Variants in CEP192 observed in about 807,000 individuals in gnomAD.
CEP192 encodes centrosomal protein of 192 kDa.
Under a neutral mutation model 271.8 loss-of-function variants are expected in CEP192, and 151 were observed. The ratio of observed to expected loss-of-function variants is 0.56; its 90% CI spans 0.49 to 0.64. The LOEUF is 0.64. CEP192 is among the 30% of genes least tolerant of loss of function. CEP192 has a pLI of 0.00. For missense variants in CEP192, 2,910 were observed against 3,020.5 expected (o/e 0.96, Z 0.86); for synonymous variants, 995 against 1,076.5 (o/e 0.92, Z 1.48).
At chr18:13,045,303 G>T (rs958368965) in intron 15 of CEP192, among the ~76,000 whole-genome samples, 1 of 152,014 alleles carries the variant, frequency 6.6e-6, no homozygotes, top group African/African-American at 2.4e-5. Context: ...GATGCTTAGT[G>T]TGCTTATTTT....
chr18:13,022,055 G>A (rs998624704), intron 9 of CEP192, among the ~76,000 whole-genome samples: 2 of 151,914 alleles, frequency 1.3e-5, no homozygotes, highest in African/African-American at 4.8e-5. Flanking sequence ...TGTGAAAGGT[G>A]TAATGTCTTT....
chr18:13,091,972 A>C (rs2039167541), intron 33 of CEP192, among the ~76,000 whole-genome samples: 1 of 152,206 alleles, frequency 6.6e-6, no homozygotes, highest in Non-Finnish European at 1.5e-5. Context: ...ATTAATATAT[A>C]TAAAGGGATT....
chr18:13,082,838 G>A (rs1416224716), intron 30 of CEP192, among the ~76,000 whole-genome samples: 17 of 152,094 alleles, frequency 1.1e-4, no homozygotes, highest in Admixed American at 3.9e-4. Flanking sequence ...ATCTCTCAGC[G>A]TTTGCTTGTC....
chr18:13,066,826 A>G (rs1193172969), intron 21 of CEP192, among the ~76,000 whole-genome samples: 6 of 152,258 alleles, frequency 3.9e-5, no homozygotes, highest in Middle Eastern at 3.4e-3. Flanking sequence ...GAACATATTA[A>G]AGCTCTACCA....
In CEP192 at chr18:13,029,770, G is replaced by T. The variant is rs2035511202; in HGVS notation, c.1158G>T (p.Leu386=). ...DANANRGGFD[L]TDPVKQGAEC... ...ATGCCAATAGAGGTGGTTTTGATCT[G>T]ACTGACCCTGTAAAACAGGGGGCAG... Residue 386 remains leucine (L), a synonymous_variant, in exon 10 of 45, where the codon CTG becomes CTT. Transcript: ENST00000506447. The T allele has an allele frequency of 1.3e-6, 2 of 1,551,484 alleles. No homozygotes were observed. The highest frequency in any genetic ancestry group is 2.7e-5 in the African/African-American group (2 of 73,038).
At chr18:13,118,156 G>A (rs79696774) in intron 44 of CEP192, among the ~76,000 whole-genome samples, 2,819 of 152,162 alleles carry the variant, frequency 0.019, 80 homozygotes, top group African/African-American at 0.063. Flanking sequence ...TTTTCTATAT[G>A]ATGCACATTT....
At chr18:13,022,889 A>G (rs1300046762) in intron 9 of CEP192, among the ~76,000 whole-genome samples, 2 of 152,214 alleles carry the variant, frequency 1.3e-5, no homozygotes, top group Non-Finnish European at 2.9e-5. Flanking sequence ...TCTAGCACAT[A>G]GATGTTATAT....
intron 1 of CEP192, among the ~76,000 whole-genome samples, chr18:12,997,394 A>C (rs2033322541): frequency 6.6e-6 from 1 of 152,214 alleles, no homozygotes; most frequent in Non-Finnish European, 1.5e-5. Context: ...AGGAGGAAGC[A>C]TATTACAGAA....
chr18:13,022,190 G>A (rs558796308), intron 9 of CEP192, among the ~76,000 whole-genome samples: 12 of 151,608 alleles, frequency 7.9e-5, no homozygotes, highest in African/African-American at 2.7e-4. Context: ...ATATTTATGT[G>A]GGTCAGTTTT....
intron 3 of CEP192, among the ~76,000 whole-genome samples, chr18:13,004,400 T>C (rs2033852032): frequency 6.6e-6 from 1 of 151,842 alleles, no homozygotes; most frequent in African/African-American, 2.4e-5. Flanking sequence ...GGGAAGAGAA[T>C]TGCTGCAGCA....
intron 13 of CEP192, among the ~76,000 whole-genome samples, chr18:13,040,440 G>A (rs1201256721): frequency 6.6e-6 from 1 of 152,132 alleles, no homozygotes; most frequent in Non-Finnish European, 1.5e-5. Context: ...TGGTAGGAGC[G>A]TCCCTAATCT....
At chr18:13,122,195 G>A (rs995871755) in intron 44 of CEP192, among the ~76,000 whole-genome samples, 14 of 152,168 alleles carry the variant, frequency 9.2e-5, no homozygotes, top group African/African-American at 3.4e-4. Context: ...AGGCGGAGGC[G>A]GGTGAATCAC....
At chr18:13,064,270 A>C (rs1389052913) in intron 21 of CEP192, among the ~76,000 whole-genome samples, 1 of 151,994 alleles carries the variant, frequency 6.6e-6, no homozygotes, top group Non-Finnish European at 1.5e-5. Flanking sequence ...CATTTATTCA[A>C]GGGACAGTCT....
At chr18:13,081,223 T>C (rs919740572) in intron 30 of CEP192, among the ~76,000 whole-genome samples, 2 of 152,238 alleles carry the variant, frequency 1.3e-5, no homozygotes, top group African/African-American at 4.8e-5. Context: ...TGGTACCAGC[T>C]CCTCTTTGTA....
intron 13 of CEP192, among the ~76,000 whole-genome samples, chr18:13,040,480 T>C (rs2036144001): frequency 6.6e-6 from 1 of 152,224 alleles, no homozygotes; most frequent in African/African-American, 2.4e-5. Flanking sequence ...ATGTGTTTAT[T>C]CTATAAAATA....
chr18:13,113,546 T>C (rs904848173), intron 40 of CEP192, 40 bp from the exon 41 acceptor site: 1 of 1,595,026 alleles, frequency 6.3e-7, no homozygotes, highest in African/African-American at 1.3e-5. Flanking sequence ...CTGTGTTTAA[T>C]GATCAGTGTC....
At chr18:13,067,179 A>G (rs2037753820) in intron 21 of CEP192, among the ~76,000 whole-genome samples, 1 of 152,172 alleles carries the variant, frequency 6.6e-6, no homozygotes, top group South Asian at 2.1e-4. Flanking sequence ...TTTACATAGC[A>G]TTTACATTAT....
At chr18:13,025,209 A>ATATTAT (rs537813819) in intron 9 of CEP192, among the ~76,000 whole-genome samples, 3 of 151,362 alleles carry the variant, frequency 2.0e-5, no homozygotes, top group South Asian at 4.2e-4. Context: ...TATTTTAAGA[A>ATATTAT]TATTATTATT....
intron 4 of CEP192, among the ~76,000 whole-genome samples, chr18:13,010,562 C>T (rs938773775): frequency 8.5e-5 from 13 of 152,056 alleles, no homozygotes; most frequent in Admixed American, 3.3e-4. Context: ...AGGAAAAAGA[C>T]GGGGCCGGGC....
Sources: gnomAD v4.1 joint callset for allele counts (sites outside exome capture counted in the v4.1 genomes callset) on GRCh38, gnomAD v4.1.1 for gene constraint, MANE v1.5 for transcripts, NCBI Gene and HGNC (gene_info 2026-07-23, HGNC 2026-07-21) for gene names.